CAMK4: variants seen among roughly 807,000 people sequenced by gnomAD.
CAMK4 encodes calcium/calmodulin dependent protein kinase IV.
In CAMK4, 22 loss-of-function variants were observed where a neutral mutation model predicts 44.9. The observed-to-expected ratio is 0.49, with a 90% CI of 0.35 to 0.70. The LOEUF (loss-of-function observed/expected upper bound fraction) is 0.70, where lower values mean the gene tolerates loss of function less well. Among genes scored for constraint, CAMK4 ranks in the 30% least tolerant of loss-of-function variants. The probability of loss-of-function intolerance (pLI) is 0.01; values close to 1 mark genes in which losing one functional copy is unlikely to be tolerated. For synonymous variants in CAMK4, 218 were observed against 215.4 expected (o/e 1.01, Z -0.11); for missense variants, 498 against 586.8 (o/e 0.85, Z 1.56).
chr5:111,469,657 G>GGGAGGGTTGATTTCACTAGAGCC (rs1754994625), intron 7 of CAMK4, among the ~76,000 whole-genome samples: 1 of 152,176 alleles, frequency 6.6e-6, no homozygotes, highest in Non-Finnish European at 1.5e-5. Flanking sequence ...TGCACGGGGT[G>GGGAGGGTTGATTTCACTAGAGCC]GGAGGGTTGA....
intron 1 of CAMK4, among the ~76,000 whole-genome samples, chr5:111,237,518 G>A (rs758564632): frequency 2.6e-5 from 4 of 152,168 alleles, no homozygotes; most frequent in East Asian, 3.8e-4. Context: ...CTTTCTAAAT[G>A]CATCACCTTT....
chr5:111,282,161 A>G (rs1751050701), intron 1 of CAMK4, among the ~76,000 whole-genome samples: 1 of 152,228 alleles, frequency 6.6e-6, no homozygotes, highest in Non-Finnish European at 1.5e-5. Flanking sequence ...GTCAAAAGAC[A>G]AAGCAAATAT....
intron 5 of CAMK4, among the ~76,000 whole-genome samples, chr5:111,422,733 C>A (rs1561478302): frequency 6.6e-6 from 1 of 152,158 alleles, no homozygotes. Context: ...ATAATAAATT[C>A]TAAAGCTGAA....
chr5:111,267,294 T>C (rs1207739214), intron 1 of CAMK4, among the ~76,000 whole-genome samples: 1 of 152,236 alleles, frequency 6.6e-6, no homozygotes, highest in Non-Finnish European at 1.5e-5. Context: ...ACAGGATTTG[T>C]CATTGTTTCC....
intron 1 of CAMK4, among the ~76,000 whole-genome samples, chr5:111,249,666 A>ATATATATGTG (rs1242789662): frequency 6.1e-4 from 86 of 140,732 alleles, no homozygotes; most frequent in African/African-American, 2.1e-3. Flanking sequence ...GTGTATATAT[A>ATATATATGTG]TGTGTGTGTG....
At chr5:111,427,993 G>A (rs181981091) in intron 5 of CAMK4, among the ~76,000 whole-genome samples, 4 of 152,366 alleles carry the variant, frequency 2.6e-5, no homozygotes, top group Non-Finnish European at 4.4e-5. Context: ...GGTGGCCACA[G>A]GGGTGCTTGT....
intron 5 of CAMK4, among the ~76,000 whole-genome samples, chr5:111,431,631 C>G (rs994572378): frequency 2.0e-5 from 3 of 151,930 alleles, no homozygotes; most frequent in Non-Finnish European, 4.4e-5. Flanking sequence ...AATTAATAAC[C>G]AGATTATAAA....
chr5:111,253,508 T>A (rs1384898244), intron 1 of CAMK4, among the ~76,000 whole-genome samples: 1 of 152,194 alleles, frequency 6.6e-6, no homozygotes, highest in Non-Finnish European at 1.5e-5. Flanking sequence ...TGTTTCTTAC[T>A]TTTCATTTAA....
chr5:111,370,039 G>A (rs563320081), intron 2 of CAMK4, among the ~76,000 whole-genome samples: 31 of 152,150 alleles, frequency 2.0e-4, no homozygotes, highest in African/African-American at 6.5e-4. Flanking sequence ...AGAACCCTAC[G>A]TATACCCTGA....
At chr5:111,253,225 G>A (rs1233754388) in intron 1 of CAMK4, among the ~76,000 whole-genome samples, 5 of 152,148 alleles carry the variant, frequency 3.3e-5, no homozygotes, top group African/African-American at 9.7e-5. Context: ...CACCTTTCCT[G>A]TCCCATCATT....
intron 1 of CAMK4, among the ~76,000 whole-genome samples, chr5:111,273,151 T>A (rs1437336421): frequency 6.6e-6 from 1 of 152,148 alleles, no homozygotes. Context: ...TAGTCACTGA[T>A]GATTTTAGTT....
chr5:111,426,975 G>A (rs796233467), intron 5 of CAMK4, among the ~76,000 whole-genome samples: 1 of 152,210 alleles, frequency 6.6e-6, no homozygotes, highest in Non-Finnish European at 1.5e-5. Flanking sequence ...ATTAGGCCCA[G>A]AGACAGTGGA....
At chr5:111,336,151 G>A (rs1749392912) in intron 1 of CAMK4, among the ~76,000 whole-genome samples, 1 of 151,180 alleles carries the variant, frequency 6.6e-6, no homozygotes, top group South Asian at 2.1e-4. Flanking sequence ...TCTTTTTGCT[G>A]AAGAATATGT....
chr5:111,333,607 G>A (rs1580608166), intron 1 of CAMK4, among the ~76,000 whole-genome samples: 1 of 151,558 alleles, frequency 6.6e-6, no homozygotes, highest in Non-Finnish European at 1.5e-5. Context: ...TAGGGCAGAA[G>A]TTTTATTAAA....
chr5:111,350,523 G>C (rs1484594817), intron 2 of CAMK4, among the ~76,000 whole-genome samples: 1 of 151,830 alleles, frequency 6.6e-6, no homozygotes. Context: ...TTCTACTTAG[G>C]TACATCTCGG....
chr5:111,375,017 C>A, intron 3 of CAMK4, 105 bp downstream of exon 3: 1 of 740,814 alleles, frequency 1.3e-6, no homozygotes, highest in Non-Finnish European at 2.4e-6. Flanking sequence ...TCTCCCACCA[C>A]TGATAGCTAC....
At chr5:111,373,869 A>T (rs1378737124) in intron 2 of CAMK4, among the ~76,000 whole-genome samples, 6 of 152,116 alleles carry the variant, frequency 3.9e-5, no homozygotes, top group Non-Finnish European at 7.4e-5. Flanking sequence ...GTTGGAGAGG[A>T]AGACATTAAA....
At chr5:111,315,464 A>T (rs1322563894) in intron 1 of CAMK4, among the ~76,000 whole-genome samples, 1 of 152,162 alleles carries the variant, frequency 6.6e-6, no homozygotes. Flanking sequence ...TTCTGAAATC[A>T]GATAAAGAAG....
chr5:111,331,541 C>T (rs1452952807), intron 1 of CAMK4, among the ~76,000 whole-genome samples: 1 of 151,650 alleles, frequency 6.6e-6, no homozygotes, highest in Non-Finnish European at 1.5e-5. Context: ...AGAAGTTAAA[C>T]ATTGAGGCTC....
Sources: gnomAD v4.1 joint callset for allele counts (sites outside exome capture counted in the v4.1 genomes callset) on GRCh38, gnomAD v4.1.1 for gene constraint, MANE v1.5 for transcripts, NCBI Gene and HGNC (gene_info 2026-07-23, HGNC 2026-07-21) for gene names.